The following STARD13 variants were observed in gnomAD, a reference collection of about 807,000 sequenced individuals.
STARD13 encodes the protein StAR related lipid transfer domain containing 13.
Under a neutral mutation model 106.4 loss-of-function variants are expected in STARD13, and 62 were observed. The ratio of observed to expected loss-of-function variants is 0.58; its 90% confidence interval spans 0.48 to 0.72. The LOEUF (loss-of-function observed/expected upper bound fraction) is 0.72. STARD13 is among the 30% of genes least tolerant of loss of function. The pLI, the probability that STARD13 is intolerant of heterozygous loss-of-function variation, is 0.00. For synonymous variants in STARD13, 565 were observed against 553.0 expected, an observed-to-expected ratio of 1.02 and a Z score of -0.31; for missense variants, 1,387 against 1,424.0, an observed-to-expected ratio of 0.97 and a Z score of 0.42.
At chr13:33,165,485 C>G in intron 2 of STARD13, 67 bp from the exon 3 acceptor site, 2 of 1,226,840 alleles carry the variant, frequency 1.6e-6, no homozygotes, top group South Asian at 2.5e-5. Flanking sequence ...CATATTCAGA[C>G]CTTCAAGGTC....
the STARD13 span, among the ~76,000 whole-genome samples, chr13:33,631,294 T>C: frequency 7.5e-3 from 1,143 of 152,376 alleles, 13 homozygotes; most frequent in African/African-American, 0.026. Context: ...TTGACACCTA[T>C]CTATCTAAAA....
chr13:33,510,402 T>C, the STARD13 span, among the ~76,000 whole-genome samples: 1 of 152,132 alleles, frequency 6.6e-6, no homozygotes, highest in Non-Finnish European at 1.5e-5. Flanking sequence ...GGAAAGATAA[T>C]GAGAGACATA....
chr13:33,112,793 G>C lies in STARD13; in HGVS notation c.2420C>G (p.Pro807Arg), dbSNP rs1458892718. The change falls in exon 9 of 14, where the codon CCC becomes CGC. Residue 807 changes from proline (P) to arginine (R), a missense_variant. Physicochemically the swap from Pro to Arg is moderately radical, Grantham distance 103. Coordinates refer to ENST00000336934, the MANE Select transcript of STARD13 (RefSeq NM_178006.4). Reference sequence around the variant, plus strand: ...GGCCAGACACACTGCCAGGTTCATGGGCGTCATCTGATTCTCTTCCACCAA... The same window carrying C: ...GGCCAGACACACTGCCAGGTTCATGCGCGTCATCTGATTCTCTTCCACCAA... ...VNLVEENQMT[P>R]MNLAVCLAPS... is the part of the protein sequence containing the mutation. The C allele has an allele frequency of 5.0e-6, 8 of 1,613,888 alleles. No homozygotes were observed. Among genetic ancestry groups the C allele is most frequent in the Non-Finnish European group, 6.8e-6 (8 of 1,179,908 alleles).
chr13:33,169,578 G>A (rs1262791184), intron 1 of STARD13, among the ~76,000 whole-genome samples: 2 of 152,206 alleles, frequency 1.3e-5, no homozygotes, highest in Non-Finnish European at 1.5e-5. Context: ...AGCAAGTCTT[G>A]GAGAGAAGCA....
chr13:33,340,629 A>G (rs976021207), intron 1 of STARD13, among the ~76,000 whole-genome samples: 10 of 152,340 alleles, frequency 6.6e-5, no homozygotes, highest in Admixed American at 5.2e-4. Context: ...ATATGCCATG[A>G]TGCACTATAG....
intron 1 of STARD13, among the ~76,000 whole-genome samples, chr13:33,198,424 A>C (rs1886792424): frequency 1.3e-5 from 2 of 151,940 alleles, no homozygotes; most frequent in African/African-American, 4.8e-5. Context: ...GGCTTACCCC[A>C]GATGTTTAGA....
chr13:33,345,206 T>A (rs1223718452), downstream of STARD13, among the ~76,000 whole-genome samples: 1 of 152,224 alleles, frequency 6.6e-6, no homozygotes, highest in Non-Finnish European at 1.5e-5. Context: ...GATGTATGGC[T>A]GTTTGTTTGT....
At chr13:33,113,143 A>G (rs1874864448) in intron 8 of STARD13, 1 of 538,110 alleles carries the variant, frequency 1.9e-6, no homozygotes, top group Non-Finnish European at 3.3e-6. Context: ...AACCCTTGCA[A>G]TTGAACTTTG....
In STARD13 at chr13:33,350,384, C is replaced by A. The variant is rs1374462326; in HGVS notation, c.30G>T (p.Thr10=). The A allele has an allele frequency of 2.1e-5, 32 of 1,533,660 alleles. No homozygotes were observed. The Admixed American group carries it at 6.1e-4, about 29-fold the overall frequency. Reference sequence around the variant, plus strand: ...GCTCACTGATGGATCTCCTGAGCTGCGTTTGGCAAGGTTTCCGTTTGCTGG... The same window carrying A: ...GCTCACTGATGGATCTCCTGAGCTGAGTTTGGCAAGGTTTCCGTTTGCTGG... The change falls in exon 1 of 2, where the codon ACG becomes ACT. Residue 10 remains threonine (T), a synonymous_variant. Transcript: ENST00000439831.
intron 1 of STARD13, among the ~76,000 whole-genome samples, chr13:33,327,016 A>G (rs1045413352): frequency 1.3e-5 from 2 of 152,184 alleles, no homozygotes; most frequent in Non-Finnish European, 2.9e-5. Flanking sequence ...GGACTGTTTT[A>G]TGTATTAATT....
chr13:33,400,890 AAAG>A, the STARD13 span, among the ~76,000 whole-genome samples: 1 of 152,190 alleles, frequency 6.6e-6, no homozygotes, highest in Non-Finnish European at 1.5e-5. Flanking sequence ...GTTTTTAAAA[AAAG>A]ATCTACAAGC....
chr13:33,551,957 T>C, the STARD13 span, among the ~76,000 whole-genome samples: 1 of 152,126 alleles, frequency 6.6e-6, no homozygotes, highest in Non-Finnish European at 1.5e-5. Flanking sequence ...GAAAATGATA[T>C]ATCATACAAA....
the STARD13 span, among the ~76,000 whole-genome samples, chr13:33,433,125 T>A: frequency 6.6e-6 from 1 of 152,210 alleles, no homozygotes; most frequent in Non-Finnish European, 1.5e-5. Context: ...AATAAATTGA[T>A]ACTTCGGTGC....
At chr13:33,444,390 C>G in the STARD13 span, among the ~76,000 whole-genome samples, 718 of 152,278 alleles carry the variant, frequency 4.7e-3, 4 homozygotes, top group African/African-American at 0.016. Context: ...CCATTTATCA[C>G]AGACCACAGA....
At chr13:33,444,010 G>A in the STARD13 span, among the ~76,000 whole-genome samples, 1 of 151,736 alleles carries the variant, frequency 6.6e-6, no homozygotes. Flanking sequence ...TAATAATCCT[G>A]AGATTATAGT....
chr13:33,233,868 GCAGCCGGAGCAGC>G lies in STARD13; in HGVS notation c.169+51589_169+51601del, dbSNP rs1337391427. On this transcript the variant is annotated intron_variant, in intron 1 of 13. Coordinates refer to ENST00000336934, the MANE Select transcript of STARD13 (RefSeq NM_178006.4). ...CTGCACAGAAGTTGCTCCTGTGTCA[GCAGCCGGAGCAGC>G]CAGCCGGATCTTGCACTTGCTTGCT... 2.4e-4 allele frequency among the ~76,000 whole-genome samples: 36 copies of G among 152,344 alleles called. No homozygotes were observed. In the East Asian group the frequency reaches 6.6e-3, roughly 28 times the overall value.
intron 1 of STARD13, chr13:33,185,812 G>A: frequency 3.2e-6 from 5 of 1,544,530 alleles, no homozygotes; most frequent in Non-Finnish European, 4.5e-6. Flanking sequence ...GGCCATGCAA[G>A]GCTAAGTAAC....
the STARD13 span, among the ~76,000 whole-genome samples, chr13:33,608,042 T>A: frequency 4.7e-4 from 71 of 152,304 alleles, no homozygotes; most frequent in African/African-American, 1.5e-3. Flanking sequence ...TTGGAATAGC[T>A]GGGACTACAG....
At chr13:33,470,275 C>A in the STARD13 span, among the ~76,000 whole-genome samples, 1 of 152,122 alleles carries the variant, frequency 6.6e-6, no homozygotes, top group African/African-American at 2.4e-5. Flanking sequence ...ATATGTGCCA[C>A]ATTTTCTTTA....
Sources: allele counts gnomAD v4.1 joint callset (sites outside exome capture counted in the v4.1 genomes callset), GRCh38; gene constraint gnomAD v4.1.1; transcripts MANE v1.5; gene names NCBI Gene and HGNC (gene_info 2026-07-23, HGNC 2026-07-21).